ADK: variants seen among roughly 807,000 people sequenced by gnomAD.
The protein encoded by ADK is N6,N6-dimethyladenosine kinase.
A neutral mutation model predicts 44.7 loss-of-function variants in ADK; 24 were observed. The ratio of observed to expected loss-of-function variants is 0.54; its 90% CI spans 0.39 to 0.76. The LOEUF (loss-of-function observed/expected upper bound fraction) is 0.76. Among genes scored for constraint, ADK ranks in the 30% least tolerant of loss-of-function variants. The pLI is 0.00. For missense variants in ADK, 321 were observed against 425.1 expected, an observed-to-expected ratio of 0.76 and a Z score of 2.15; for synonymous variants, 128 against 142.6, an observed-to-expected ratio of 0.90 and a Z score of 0.73.
chr10:74,649,165 A>T (rs922792600), intron 9 of ADK, among the ~76,000 whole-genome samples: 9 of 152,220 alleles, frequency 5.9e-5, no homozygotes, highest in Non-Finnish European at 1.0e-4. Flanking sequence ...GTGAGTCAAG[A>T]TCGCACTACT....
chr10:74,701,666 C>T (rs143125988), intron 10 of ADK, among the ~76,000 whole-genome samples: 3 of 152,272 alleles, frequency 2.0e-5, no homozygotes, highest in Admixed American at 6.5e-5. Flanking sequence ...AATTGTGGGC[C>T]AAGCATGGTG....
intron 7 of ADK, among the ~76,000 whole-genome samples, chr10:74,537,323 G>C (rs558483035): frequency 6.6e-6 from 1 of 152,230 alleles, no homozygotes; most frequent in East Asian, 1.9e-4. Context: ...TGTTAAAGTA[G>C]TTCCAAAATT....
chr10:74,354,035 A>G (rs867965364), intron 4 of ADK, among the ~76,000 whole-genome samples: 4 of 152,220 alleles, frequency 2.6e-5, no homozygotes, highest in Admixed American at 6.5e-5. Flanking sequence ...ATAAGCATCA[A>G]TTTAAAACAG....
chr10:74,339,892 GA>G (rs146632359), intron 4 of ADK, among the ~76,000 whole-genome samples: 1,925 of 152,132 alleles, frequency 0.013, 45 homozygotes, highest in African/African-American at 0.044. Context: ...TTCTTTTCCT[GA>G]AAAAATGATT....
At chr10:74,596,999 A>G (rs1851948513) in intron 8 of ADK, among the ~76,000 whole-genome samples, 1 of 152,130 alleles carries the variant, frequency 6.6e-6, no homozygotes, top group South Asian at 2.1e-4. Context: ...TGAGCTTTCA[A>G]CTCATACTTC....
rs570289759 is a variant in ADK, at chr10:74,374,674, C to T, written c.274-19467C>T. 2.0e-3 allele frequency among the ~76,000 whole-genome samples: 297 copies of T among 152,166 alleles called. 1 individual carries two copies. The highest frequency in any genetic ancestry group is 7.0e-3 in the African/African-American group (290 of 41,528). Reference sequence around the variant, plus strand: ...TTGTCATTGTCATGCATGGTTAGTCCTTCATAAAATATGCTATTATGGACC... The same window carrying T: ...TTGTCATTGTCATGCATGGTTAGTCTTTCATAAAATATGCTATTATGGACC... On this transcript the variant is annotated intron_variant, in intron 4 of 10. Coordinates refer to ENST00000539909, the MANE Select transcript of ADK (RefSeq NM_006721.4).
In ADK at chr10:74,249,436, A is replaced by G. The variant is rs1845561883; in HGVS notation, c.194+24845A>G. On this transcript the variant is annotated intron_variant, in intron 3 of 10. Transcript: ENST00000539909. Reference sequence around the variant, plus strand: ...TTCTCTGTATATAGTTTATATCCTTAAGACTTTCAGAAAGAAATTGAGATG... The same window carrying G: ...TTCTCTGTATATAGTTTATATCCTTGAGACTTTCAGAAAGAAATTGAGATG... Among the ~76,000 whole-genome samples the G allele has an allele frequency of 2.0e-5, 3 of 152,124 alleles. No individual in the cohort carries two copies. The South Asian group carries it at 6.2e-4, about 32-fold the overall frequency.
At chr10:74,399,381 T>C (rs138071161) in intron 6 of ADK, among the ~76,000 whole-genome samples, 4 of 151,456 alleles carry the variant, frequency 2.6e-5, no homozygotes, top group African/African-American at 9.7e-5. Context: ...AGGAGGAACA[T>C]GTTTATTGAA....
In ADK at chr10:74,411,404, A is replaced by G. The variant is rs541981201; in HGVS notation, c.555+12825A>G. Among the ~76,000 whole-genome samples, 120 of 152,360 alleles carry G rather than the reference A, an allele frequency of 7.9e-4. 1 individual carries two copies. The highest frequency in any genetic ancestry group is 3.4e-3 in the Middle Eastern group (1 of 294). On this transcript the variant is annotated intron_variant, in intron 6 of 10. Coordinates refer to ENST00000539909, the MANE Select transcript of ADK (RefSeq NM_006721.4). ...TTAAGCAAAGACATCTTTGCTTAAC[A>G]ATAAAGCAAATATCACAATAAAGCA...
Position 74,196,454 on chromosome 10 carries a change from C to T in ADK, c.66-4310C>T, listed in dbSNP as rs144615411. On this transcript the variant is annotated intron_variant, in intron 1 of 10. Transcript: ENST00000539909. ...ACTTGGGAGGCTGAGGCAGGAGAAT[C>T]GCTTGAACCTGGGAGGCGGAGTTTG... Among the ~76,000 whole-genome samples, 66 of 152,164 alleles carry T rather than the reference C, an allele frequency of 4.3e-4. 2 individuals are homozygous for T. In the East Asian group the frequency reaches 9.9e-3, roughly 23 times the overall value.
intron 10 of ADK, among the ~76,000 whole-genome samples, chr10:74,696,480 C>T (rs1856211226): frequency 6.6e-6 from 1 of 151,852 alleles, no homozygotes; most frequent in Admixed American, 6.6e-5. Context: ...ATTCTCCTGC[C>T]TCAGCCTCCC....
rs543162233 is a variant in ADK at position 74,467,944 on chromosome 10, G to A, written c.556-57312G>A. Among the ~76,000 whole-genome samples the A allele has an allele frequency of 3.9e-5, 6 of 152,116 alleles. No homozygotes were observed. In the South Asian group the frequency reaches 1.2e-3, roughly 32 times the overall value. On this transcript the variant is annotated intron_variant, in intron 6 of 10. Coordinates refer to ENST00000539909, the MANE Select transcript of ADK (RefSeq NM_006721.4). ...CACTGACAGCCAATTCTCAAACCCA[G>A]GTCTTTTCCTGTATACCACATTTCC... is the stretch of plus-strand genomic sequence containing the variant.
chr10:74,690,947 G>C (rs73278315), intron 10 of ADK, among the ~76,000 whole-genome samples: 370 of 152,318 alleles, frequency 2.4e-3, no homozygotes, highest in African/African-American at 8.5e-3. Flanking sequence ...TAAAAATGTA[G>C]TATAGAAGCA....
chr10:74,158,494 GTGTCAGTAGTATTTATT>G (rs1244374040), intron 1 of ADK, among the ~76,000 whole-genome samples: 3 of 152,174 alleles, frequency 2.0e-5, no homozygotes, highest in Non-Finnish European at 4.4e-5. Flanking sequence ...TGATGTAAAG[GTGTCAGTAGTATTTATT>G]TGTCTGACAC....
chr10:74,581,074 G>A (rs867478956), intron 7 of ADK, among the ~76,000 whole-genome samples: 10 of 151,318 alleles, frequency 6.6e-5, no homozygotes, highest in South Asian at 6.3e-4. Context: ...AACCATTCAT[G>A]CGAAGAAGCA....
intron 7 of ADK, among the ~76,000 whole-genome samples, chr10:74,572,303 CT>C (rs1299278385): frequency 1.3e-5 from 2 of 152,198 alleles, no homozygotes; most frequent in Non-Finnish European, 2.9e-5. Flanking sequence ...GTTGAAAATT[CT>C]TTTCTTTAAG....
At position 74,593,814 on chromosome 10, in the gene ADK, A is replaced by C. The variant is rs114215919; in HGVS notation, c.762+4497A>C. ...CCTTTGTATAACCAGCTGGTTAAAA[A>C]TAGAATAAAGATTTTCTTTATCCAG... On this transcript the variant is annotated intron_variant, in intron 8 of 10. Transcript: ENST00000539909. Among the ~76,000 whole-genome samples the C allele has an allele frequency of 4.7e-3, 723 of 152,358 alleles. 3 individuals are homozygous for C. The highest frequency in any genetic ancestry group is 0.016 in the African/African-American group (645 of 41,584).
At chr10:74,422,036 A>G (rs1844572869) in intron 6 of ADK, among the ~76,000 whole-genome samples, 1 of 152,162 alleles carries the variant, frequency 6.6e-6, no homozygotes, top group African/African-American at 2.4e-5. Context: ...TATGAGCTGG[A>G]TTGAGTGAGT....
chr10:74,450,667 A>G (rs1845741333), intron 6 of ADK, among the ~76,000 whole-genome samples: 1 of 152,128 alleles, frequency 6.6e-6, no homozygotes, highest in South Asian at 2.1e-4. Context: ...ATGTTTAGTT[A>G]TTTTGTTTTA....
Sources: allele counts gnomAD v4.1 joint callset (sites outside exome capture counted in the v4.1 genomes callset), GRCh38; gene constraint gnomAD v4.1.1; transcripts MANE v1.5; gene names NCBI Gene and HGNC (gene_info 2026-07-23, HGNC 2026-07-21).